SOBP: variants seen among roughly 807,000 people sequenced by gnomAD.
The protein encoded by SOBP is sine oculis-binding protein homolog.
Under a neutral mutation model 53.6 loss-of-function variants are expected in SOBP, and 4 were observed. The ratio of observed to expected loss-of-function variants is 0.07; its 90% confidence interval spans 0.04 to 0.17. SOBP has a LOEUF of 0.17. Ranked by LOEUF, SOBP falls within the 10% of genes least tolerant of loss-of-function variation. SOBP has a pLI of 1.00. For synonymous variants in SOBP, 584 were observed against 522.6 expected (o/e 1.12, Z -1.60); for missense variants, 1,088 against 1,204.7 (o/e 0.90, Z 1.43).
chr6:107,579,915 A>G (rs905311165), intron 4 of SOBP, among the ~76,000 whole-genome samples: 2 of 152,194 alleles, frequency 1.3e-5, no homozygotes, highest in South Asian at 2.1e-4. Context: ...CTATGGAGAA[A>G]GCCTGTCAGT....
intron 5 of SOBP, among the ~76,000 whole-genome samples, chr6:107,604,040 T>C (rs1786278682): frequency 6.6e-6 from 1 of 152,212 alleles, no homozygotes; most frequent in African/African-American, 2.4e-5. Context: ...CCCTTTTCTG[T>C]TTCACCTATT....
intron 4 of SOBP, among the ~76,000 whole-genome samples, chr6:107,544,025 A>G (rs1784226065): frequency 6.6e-6 from 1 of 152,216 alleles, no homozygotes; most frequent in South Asian, 2.1e-4. Flanking sequence ...AGCTCAGAAT[A>G]TAGTTTCCTC....
At chr6:107,574,142 T>G (rs954338826) in intron 4 of SOBP, among the ~76,000 whole-genome samples, 5 of 152,182 alleles carry the variant, frequency 3.3e-5, no homozygotes, top group Admixed American at 6.5e-5. Flanking sequence ...ATGGAACCAG[T>G]CAAAACATTT....
chr6:107,495,003 T>C lies in SOBP; in HGVS notation c.96+4291T>C, dbSNP rs568845752. Among the ~76,000 whole-genome samples the C allele has an allele frequency of 5.9e-5, 9 of 152,330 alleles. No homozygotes were observed. In the East Asian group the frequency reaches 1.3e-3, roughly 23 times the overall value. On this transcript the variant is annotated intron_variant, in intron 1 of 6. Transcript: ENST00000317357. Reference sequence around the variant, plus strand: ...CATGGACTGGAAAAGTCAGCAAGTTTAAGTTTGAAATTGGCTCATTATTAA... The same window carrying C: ...CATGGACTGGAAAAGTCAGCAAGTTCAAGTTTGAAATTGGCTCATTATTAA...
intron 5 of SOBP, among the ~76,000 whole-genome samples, chr6:107,601,736 C>G (rs998831301): frequency 6.6e-6 from 1 of 152,180 alleles, no homozygotes; most frequent in East Asian, 1.9e-4. Context: ...AATAATCATA[C>G]TTCTTTTTGA....
chr6:107,582,293 T>G (rs1192858523), intron 4 of SOBP, among the ~76,000 whole-genome samples: 1 of 152,152 alleles, frequency 6.6e-6, no homozygotes, highest in Non-Finnish European at 1.5e-5. Context: ...AAGCAGTGAA[T>G]TTGAAGAACT....
At chr6:107,592,410 C>T (rs1005801994) in intron 5 of SOBP, among the ~76,000 whole-genome samples, 1 of 152,076 alleles carries the variant, frequency 6.6e-6, no homozygotes, top group Non-Finnish European at 1.5e-5. Flanking sequence ...TAACAAGAAC[C>T]CCTGAAAGGT....
At position 107,634,873 on chromosome 6, in the gene SOBP, A is replaced by C; in HGVS notation, c.2029A>C (p.Lys677Gln). The part of the protein sequence containing the change: ...VIHRALHAHV[K>Q]AEREPSAAER... ...CCACCGCGCGCTGCACGCGCACGTC[A>C]AGGCGGAGCGCGAGCCGAGCGCCGC... The change falls in exon 6 of 7, where the codon AAG becomes CAG. Residue 677 changes from lysine (K) to glutamine (Q), a missense_variant. Lys to Gln is a moderately conservative substitution (Grantham distance 53). Coordinates refer to ENST00000317357, the MANE Select transcript of SOBP (RefSeq NM_018013.4). The surrounding 1 kb of genome is among the most constrained non-coding windows in gnomAD (Gnocchi z 4.5). The C allele has an allele frequency of 7.4e-7, 1 of 1,355,558 alleles. No homozygotes were observed. Among genetic ancestry groups the C allele is most frequent in the Non-Finnish European group, 9.6e-7 (1 of 1,045,918 alleles). 84.0% of individuals were successfully genotyped at this position (1,355,558 alleles called of 1,614,324 possible). A position where few individuals can be genotyped will look rare whatever the true frequency, so the allele number is the denominator to read the frequency against.
chr6:107,635,155 G>A lies in SOBP; in HGVS notation c.2311G>A (p.Val771Ile), dbSNP rs752174016. ...EEPAVSELES[V>I]KENNCASNCH... ...ACCGGCGGTGAGCGAGCTAGAGTCG[G>A]TCAAGGAGAATAACTGTGCTTCCAA... Residue 771 changes from valine to isoleucine, a missense_variant, in exon 6 of 7, where the codon GTC becomes ATC. Physicochemically the swap from Val to Ile is conservative, Grantham distance 29 (BLOSUM62 3). Coordinates refer to ENST00000317357, the MANE Select transcript of SOBP (RefSeq NM_018013.4). The surrounding 1 kb of genome is among the most constrained non-coding windows in gnomAD (Gnocchi z 4.5). 6.2e-7 allele frequency: 1 copy of A among 1,613,560 alleles called. No homozygotes were observed. The highest frequency in any genetic ancestry group is 8.5e-7 in the Non-Finnish European group (1 of 1,179,884).
Position 107,648,988 on chromosome 6 carries a change from G to A in SOBP, c.*4-9219G>A, listed in dbSNP as rs142038933. 7.1e-3 allele frequency among the ~76,000 whole-genome samples: 1,075 copies of A among 151,998 alleles called. 18 individuals carry two copies. Among genetic ancestry groups the A allele is most frequent in the East Asian group, 0.024 (124 of 5,168 alleles). Reference sequence around the variant, plus strand: ...GAAGGCTGAGGTGGGAGGATCATGAGCCCAGGAGTTTGAGACCCCATCTCT... The same window carrying A: ...GAAGGCTGAGGTGGGAGGATCATGAACCCAGGAGTTTGAGACCCCATCTCT... On this transcript the variant is annotated intron_variant, in intron 6 of 6. Coordinates refer to ENST00000317357, the MANE Select transcript of SOBP (RefSeq NM_018013.4).
At chr6:107,586,489 T>G (rs1396063962) in intron 4 of SOBP, among the ~76,000 whole-genome samples, 1 of 151,456 alleles carries the variant, frequency 6.6e-6, no homozygotes, top group Non-Finnish European at 1.5e-5. Context: ...AAATAACCAG[T>G]AACTTTTAAT....
At chr6:107,603,265 G>A (rs776654069) in intron 5 of SOBP, among the ~76,000 whole-genome samples, 5 of 152,206 alleles carry the variant, frequency 3.3e-5, no homozygotes, top group Admixed American at 1.3e-4. Flanking sequence ...GCCTCCCAGT[G>A]TGCCTTCTGG....
At chr6:107,498,573 C>A (rs188469963) in intron 1 of SOBP, among the ~76,000 whole-genome samples, 1 of 152,064 alleles carries the variant, frequency 6.6e-6, no homozygotes, top group East Asian at 1.9e-4. Flanking sequence ...GTGTCATTCA[C>A]AGCTCCTCAG....
intron 4 of SOBP, among the ~76,000 whole-genome samples, chr6:107,533,834 A>G (rs763724834): frequency 1.3e-5 from 2 of 152,172 alleles, no homozygotes; most frequent in Admixed American, 1.3e-4. Context: ...GAGAGGGTGA[A>G]TGAATCTGAT....
intron 4 of SOBP, chr6:107,558,107 G>A (rs538582462): frequency 1.4e-5 from 2 of 148,088 alleles, no homozygotes; most frequent in South Asian, 2.1e-4. Context: ...ATAAGATGTA[G>A]GCTGTATTGA....
In SOBP at chr6:107,490,640, G is replaced by C. The variant is rs781007270; in HGVS notation, c.24G>C (p.Gly8=). MAEMEKE[G]RPPENKRSRK... Reference sequence around the variant, plus strand: ...ACATGGCAGAAATGGAGAAAGAAGGGAGACCTCCCGAAAATAAACGGAGCA... The same window carrying C: ...ACATGGCAGAAATGGAGAAAGAAGGCAGACCTCCCGAAAATAAACGGAGCA... Residue 8 remains glycine, a synonymous_variant, in exon 1 of 7, where the codon GGG becomes GGC. Transcript: ENST00000317357. The C allele has an allele frequency of 1.9e-6, 3 of 1,607,192 alleles. No individual in the cohort carries two copies. The highest frequency in any genetic ancestry group is 3.4e-5 in the Admixed American group (2 of 59,242).
rs182321466 is a variant in SOBP, at chr6:107,637,981, G to T, written c.*3+2512G>T. Reference sequence around the variant, plus strand: ...GTTCTTTCAATGATGGGTCCCCCAAGAAATTACAGCTTTTCTTTAAAATCA... The same window carrying T: ...GTTCTTTCAATGATGGGTCCCCCAATAAATTACAGCTTTTCTTTAAAATCA... On this transcript the variant is annotated intron_variant, in intron 6 of 6. Transcript: ENST00000317357. 3.1e-3 allele frequency among the ~76,000 whole-genome samples: 474 copies of T among 152,276 alleles called. 2 individuals are homozygous for T. The highest frequency in any genetic ancestry group is 0.011 in the African/African-American group (462 of 41,578).
intron 3 of SOBP, chr6:107,529,366 G>A (rs1783754628): frequency 1.5e-5 from 11 of 749,624 alleles, no homozygotes; most frequent in Non-Finnish European, 1.8e-5. Context: ...TTCATGGCAT[G>A]GGGAACACAC....
chr6:107,522,537 C>CTTTTTTTTTTT (rs71551313), intron 3 of SOBP, among the ~76,000 whole-genome samples: 7 of 74,098 alleles, frequency 9.4e-5, no homozygotes, highest in South Asian at 5.4e-4. Flanking sequence ...AGTATAAAAA[C>CTTTTTTTTTTT]TTTTTTTTTT....
Sources: gnomAD v4.1 joint callset for allele counts (sites outside exome capture counted in the v4.1 genomes callset) on GRCh38, gnomAD v4.1.1 for gene constraint, Gnocchi (gnomAD v3.1) non-coding constraint, MANE v1.5 for transcripts, NCBI Gene and HGNC (gene_info 2026-07-23, HGNC 2026-07-21) for gene names.